Variants in TTLL7 observed in about 807,000 individuals in gnomAD.
TTLL7 encodes the protein tubulin polyglutamylase TTLL7.
In TTLL7, 53 loss-of-function variants were observed where a neutral mutation model predicts 120.2. The observed-to-expected ratio is 0.44, with a 90% CI of 0.35 to 0.55. The LOEUF (loss-of-function observed/expected upper bound fraction) is 0.55, where lower values mean the gene tolerates loss of function less well. Ranked by LOEUF, TTLL7 falls within the 20% of genes least tolerant of loss-of-function variation. TTLL7 has a pLI of 0.00. For missense variants in TTLL7, 803 were observed against 1,054.7 expected (o/e 0.76, Z 3.31); for synonymous variants, 353 against 351.7 (o/e 1.00, Z -0.04).
At chr1:83,963,784 T>C (rs950144049) in intron 1 of TTLL7, among the ~76,000 whole-genome samples, 1 of 152,140 alleles carries the variant, frequency 6.6e-6, no homozygotes, top group Non-Finnish European at 1.5e-5. Context: ...AGAGGTTTTT[T>C]AATTTAAAAT....
chr1:83,871,160 C>A (rs940100447), intron 20 of TTLL7, among the ~76,000 whole-genome samples: 1 of 151,856 alleles, frequency 6.6e-6, no homozygotes, highest in Non-Finnish European at 1.5e-5. Flanking sequence ...GGATTACAGG[C>A]ATGTGCTACC....
At chr1:83,979,244 A>G (rs1396416931) in intron 1 of TTLL7, 3 of 152,238 alleles carry the variant, frequency 2.0e-5, no homozygotes, top group African/African-American at 4.8e-5. Context: ...GCAAGGGGCT[A>G]GGGAATGAGG....
chr1:83,907,911 A>G (rs1657343145), intron 15 of TTLL7, among the ~76,000 whole-genome samples: 1 of 152,136 alleles, frequency 6.6e-6, no homozygotes, highest in African/African-American at 2.4e-5. Flanking sequence ...CAATCCTTCA[A>G]TGTTATATCC....
At chr1:83,994,146 C>T (rs1251388430) in intron 1 of TTLL7, among the ~76,000 whole-genome samples, 1 of 152,218 alleles carries the variant, frequency 6.6e-6, no homozygotes, top group Non-Finnish European at 1.5e-5. Context: ...TCTTTCAGGA[C>T]CTGAAAAGTG....
Position 83,951,920 on chromosome 1 carries a change from T to C in TTLL7, c.82A>G (p.Met28Val), listed in dbSNP as rs1179543438. 5 of 1,613,504 alleles carry C rather than the reference T, an allele frequency of 3.1e-6. No homozygotes were observed. Among genetic ancestry groups the C allele is most frequent in the Admixed American group, 1.7e-5 (1 of 59,970 alleles). ...LNTELPYQST[M>V]KRKVRKKKKK... ...TTCTTCTTTCTGACTTTCCTTTTCA[T>C]TGTGCTTTGATAAGGTAATTCTGTA... Residue 28 changes from methionine to valine, a missense_variant, in exon 3 of 21, where the codon ATG (methionine) becomes GTG (valine). Physicochemically the swap from Met to Val is conservative, Grantham distance 21. Coordinates refer to ENST00000260505, the MANE Select transcript of TTLL7 (RefSeq NM_024686.6).
intron 3 of TTLL7, among the ~76,000 whole-genome samples, chr1:83,950,808 C>A (rs1307466579): frequency 1.3e-5 from 2 of 152,180 alleles, no homozygotes; most frequent in Admixed American, 1.3e-4. Flanking sequence ...TGTCACAGAC[C>A]ACCATGCAGC....
chr1:83,897,392 A>G (rs1656323644), intron 18 of TTLL7, among the ~76,000 whole-genome samples: 1 of 152,134 alleles, frequency 6.6e-6, no homozygotes, highest in Non-Finnish European at 1.5e-5. Context: ...AACAACTCTC[A>G]AAATCCCTAA....
chr1:83,888,271 T>G (rs556103563), intron 19 of TTLL7, among the ~76,000 whole-genome samples: 1 of 152,070 alleles, frequency 6.6e-6, no homozygotes, highest in African/African-American at 2.4e-5. Flanking sequence ...CATTATAAAT[T>G]CAGATTGGGA....
At chr1:83,911,561 T>A (rs1477452770) in intron 14 of TTLL7, among the ~76,000 whole-genome samples, 198 bp from the exon 15 acceptor site, 1 of 152,152 alleles carries the variant, frequency 6.6e-6, no homozygotes, top group Admixed American at 6.6e-5. Context: ...ATATTCTTTC[T>A]TAAATGATAT....
intron 20 of TTLL7, among the ~76,000 whole-genome samples, chr1:83,875,837 T>A (rs188759330): frequency 6.6e-6 from 1 of 152,074 alleles, no homozygotes; most frequent in African/African-American, 2.4e-5. Context: ...TTGTAAGAAT[T>A]TTTTACAGAT....
intron 1 of TTLL7, among the ~76,000 whole-genome samples, chr1:83,964,521 A>C (rs946638991): frequency 6.6e-6 from 1 of 151,862 alleles, no homozygotes; most frequent in Non-Finnish European, 1.5e-5. Context: ...ATTTTATTCT[A>C]TATCTTGTTA....
At chr1:83,995,783 CA>C (rs948784710) in intron 1 of TTLL7, among the ~76,000 whole-genome samples, 5 of 151,290 alleles carry the variant, frequency 3.3e-5, no homozygotes, top group African/African-American at 9.7e-5. Context: ...ATTCAAAATA[CA>C]AAAAAAAGCA....
Position 83,952,292 on chromosome 1 carries a change from G to C in TTLL7, c.-81C>G. The C allele has an allele frequency of 6.9e-7, 1 of 1,453,192 alleles. No homozygotes were observed. Among genetic ancestry groups the C allele is most frequent in the South Asian group, 1.2e-5 (1 of 82,088 alleles). 90.0% of individuals were successfully genotyped at this position (1,453,192 alleles called of 1,614,324 possible). ...ATCTGGAAATTCCACATTAGTCTAA[G>C]TAGGATATGGCCCCAAATCACTGAA... On this transcript the variant is annotated 5_prime_UTR_variant, in exon 2 of 21. Coordinates refer to ENST00000260505, the MANE Select transcript of TTLL7 (RefSeq NM_024686.6).
At chr1:83,873,304 A>G (rs1026935392) in intron 20 of TTLL7, among the ~76,000 whole-genome samples, 2 of 152,190 alleles carry the variant, frequency 1.3e-5, no homozygotes, top group African/African-American at 4.8e-5. Context: ...AGGGAAATAC[A>G]ATGGATTATT....
intron 6 of TTLL7, among the ~76,000 whole-genome samples, chr1:83,944,417 A>G (rs1445059989): frequency 1.3e-5 from 2 of 152,184 alleles, no homozygotes. Flanking sequence ...GGTAAATATA[A>G]AAGTTCTGGC....
intron 14 of TTLL7, among the ~76,000 whole-genome samples, chr1:83,913,660 C>T (rs998123819): frequency 6.6e-6 from 1 of 152,182 alleles, no homozygotes; most frequent in African/African-American, 2.4e-5. Flanking sequence ...ATTATGCAGA[C>T]TTCAACAACT....
At chr1:83,991,659 T>C (rs995611876) in intron 1 of TTLL7, among the ~76,000 whole-genome samples, 1 of 151,788 alleles carries the variant, frequency 6.6e-6, no homozygotes, top group African/African-American at 2.4e-5. Context: ...AGAAAATATA[T>C]ATATATTAAA....
chr1:83,976,229 T>C (rs1362205768), intron 1 of TTLL7, among the ~76,000 whole-genome samples: 1 of 152,102 alleles, frequency 6.6e-6, no homozygotes, highest in African/African-American at 2.4e-5. Flanking sequence ...ATATACTTAC[T>C]TGTGTTTTTA....
intron 1 of TTLL7, among the ~76,000 whole-genome samples, chr1:83,991,588 G>A (rs1436718012): frequency 6.6e-6 from 1 of 152,080 alleles, no homozygotes; most frequent in African/African-American, 2.4e-5. Flanking sequence ...AGGCTGCAGT[G>A]AACCATTATC....
Sources: allele counts gnomAD v4.1 joint callset (sites outside exome capture counted in the v4.1 genomes callset), GRCh38; gene constraint gnomAD v4.1.1; transcripts MANE v1.5; gene names NCBI Gene and HGNC (gene_info 2026-07-23, HGNC 2026-07-21).